Variants in SEZ6 observed in about 807,000 individuals in gnomAD.
The protein encoded by SEZ6 is seizure related 6 homolog.
A neutral mutation model predicts 101.0 loss-of-function variants in SEZ6; 53 were observed. That is an observed-to-expected ratio of 0.52 (90% CI 0.42 to 0.66). SEZ6 has a LOEUF of 0.66. SEZ6 is among the 30% of genes least tolerant of loss of function. SEZ6 has a pLI of 0.00. For synonymous variants in SEZ6, 488 were observed against 512.2 expected (o/e 0.95, Z 0.64); for missense variants, 1,102 against 1,289.4 (o/e 0.85, Z 2.23).
chr17:28,965,720 A>G (rs1259460892), intron 4 of SEZ6, among the ~76,000 whole-genome samples: 2 of 152,218 alleles, frequency 1.3e-5, no homozygotes, highest in Non-Finnish European at 2.9e-5. Flanking sequence ...AGTTGGGGAA[A>G]GAACAAGTTG....
At chr17:28,961,771 T>C (rs1325272979) in intron 5 of SEZ6, among the ~76,000 whole-genome samples, 1 of 152,160 alleles carries the variant, frequency 6.6e-6, no homozygotes, top group Non-Finnish European at 1.5e-5. Flanking sequence ...AAGAGGAGTA[T>C]GGCTGGTTCC....
Position 28,959,369 on chromosome 17 carries a change from C to T in SEZ6, c.1875G>A (p.Val625=). The T allele has an allele frequency of 6.2e-7, 1 of 1,614,006 alleles. No homozygotes were observed. The change falls in exon 9 of 17, where the codon GTG becomes GTA. Residue 625 remains valine, a synonymous_variant. Coordinates refer to ENST00000317338, the MANE Select transcript of SEZ6 (RefSeq NM_178860.5). The surrounding 1 kb of genome is among the most constrained non-coding windows in gnomAD (Gnocchi z 4.4). ...CCAGCATGATGCGCTTGTCCTCTTC[C>T]ACATGCACACCCCAGATACAATCCT... The part of the protein sequence containing the change: ...RGQDCIWGVH[V]EEDKRIMLDI...
chr17:29,004,851 G>A (rs2041664444), intron 1 of SEZ6, among the ~76,000 whole-genome samples: 1 of 152,142 alleles, frequency 6.6e-6, no homozygotes, highest in Non-Finnish European at 1.5e-5. Context: ...CTTCCCCGAG[G>A]CACGGAACCC....
At chr17:28,975,990 A>G (rs2041215641) in intron 3 of SEZ6, among the ~76,000 whole-genome samples, 1 of 152,158 alleles carries the variant, frequency 6.6e-6, no homozygotes, top group African/African-American at 2.4e-5. Context: ...AGGGGCTGGG[A>G]CCCACATGGG....
intron 3 of SEZ6, among the ~76,000 whole-genome samples, chr17:28,978,331 G>T (rs528155414): frequency 3.2e-4 from 48 of 152,318 alleles, no homozygotes; most frequent in African/African-American, 1.1e-3. Flanking sequence ...TTCAGTCAGC[G>T]CATGGAGTAC....
intron 1 of SEZ6, among the ~76,000 whole-genome samples, chr17:28,985,183 C>T (rs114927638): frequency 0.017 from 2,612 of 152,350 alleles, 70 homozygotes; most frequent in African/African-American, 0.059. Context: ...TGGAGCTACA[C>T]AGCAGACAAC....
At chr17:28,992,445 T>C (rs1386705374) in intron 1 of SEZ6, among the ~76,000 whole-genome samples, 2 of 152,036 alleles carry the variant, frequency 1.3e-5, no homozygotes, top group Non-Finnish European at 2.9e-5. Flanking sequence ...CAGGTCCAAA[T>C]ACATGCCTGT....
intron 2 of SEZ6, 147 bp downstream of exon 2, chr17:28,981,224 T>A: frequency 7.3e-7 from 1 of 1,374,588 alleles, no homozygotes; most frequent in East Asian, 2.5e-5. Context: ...CTCAGGTCTA[T>A]CTGGGTCCAA....
intron 1 of SEZ6, among the ~76,000 whole-genome samples, chr17:29,003,502 A>C (rs565869176): frequency 1.1e-3 from 162 of 152,352 alleles, no homozygotes; most frequent in African/African-American, 3.7e-3. Context: ...TGAGGGCCTC[A>C]TCAGAGAGGT....
intron 1 of SEZ6, among the ~76,000 whole-genome samples, chr17:29,000,607 C>T (rs950764289): frequency 7.9e-5 from 12 of 152,172 alleles, no homozygotes; most frequent in African/African-American, 2.9e-4. Flanking sequence ...TAGGCCTCCA[C>T]CTCTCCATTA....
At chr17:28,966,482 C>CA (rs1020928633) in intron 4 of SEZ6, among the ~76,000 whole-genome samples, 20 of 151,710 alleles carry the variant, frequency 1.3e-4, no homozygotes, top group East Asian at 3.9e-4. Context: ...GACTCTTTCT[C>CA]AAAAAAAAGT....
chr17:28,972,762 G>A (rs764382452), intron 3 of SEZ6, among the ~76,000 whole-genome samples: 1 of 152,196 alleles, frequency 6.6e-6, no homozygotes, highest in Non-Finnish European at 1.5e-5. Flanking sequence ...GAGATGCCAG[G>A]CAGCATATAA....
At position 28,960,366 on chromosome 17, in the gene SEZ6, T is replaced by A. The variant is rs539696848; in HGVS notation, c.1576+139A>T. ...AAGAGAGGGGCAGGGAAAGGGGGCC[T>A]AAGTACTGAGTGAGCAGGGGCTGAC... On this transcript the variant is annotated intron_variant, in intron 7 of 16. Transcript: ENST00000317338. 7.8e-6 allele frequency: 9 copies of A among 1,159,376 alleles called. No homozygotes were observed. In the East Asian group the frequency reaches 1.8e-4, roughly 23 times the overall value. The allele number at this position is 1,159,376 out of a possible 1,614,324, so 71.8% of individuals were successfully genotyped here.
intron 4 of SEZ6, among the ~76,000 whole-genome samples, chr17:28,969,032 T>C (rs1192661313): frequency 6.6e-6 from 1 of 152,248 alleles, no homozygotes; most frequent in Non-Finnish European, 1.5e-5. Context: ...TGCTTAATCC[T>C]AACCATGACT....
At chr17:28,967,719 G>A (rs2041091342) in intron 4 of SEZ6, among the ~76,000 whole-genome samples, 1 of 152,132 alleles carries the variant, frequency 6.6e-6, no homozygotes, top group Non-Finnish European at 1.5e-5. Flanking sequence ...AGTAAGGGAG[G>A]GCCCTCGTTT....
Position 28,959,155 on chromosome 17 carries a change from C to A in SEZ6, c.1977G>T (p.Leu659=). 6.2e-7 allele frequency: 1 copy of A among 1,613,794 alleles called. No individual in the cohort carries two copies. Among genetic ancestry groups the A allele is most frequent in the Non-Finnish European group, 8.5e-7 (1 of 1,179,800 alleles). The change falls in exon 10 of 17, where the codon CTG becomes CTT. Residue 659 remains leucine, a synonymous_variant. Coordinates refer to ENST00000317338, the MANE Select transcript of SEZ6 (RefSeq NM_178860.5). The surrounding 1 kb of genome is among the most constrained non-coding windows in gnomAD (Gnocchi z 4.4). ...YDGDDLTARV[L]GQYSGPRSHF... Reference sequence around the variant, plus strand: ...GGCTACGGGGCCCTGAGTACTGGCCCAGAACCCGGGCCGTCAGGTCATCCC... The same window carrying A: ...GGCTACGGGGCCCTGAGTACTGGCCAAGAACCCGGGCCGTCAGGTCATCCC...
intron 12 of SEZ6, 31 bp downstream of exon 12, chr17:28,957,317 A>G: frequency 1.2e-6 from 2 of 1,610,682 alleles, no homozygotes; most frequent in Non-Finnish European, 1.7e-6. Context: ...CTCCAGCTAG[A>G]GGTTTTCCCT....
At chr17:28,996,413 C>T (rs1273219662) in intron 1 of SEZ6, among the ~76,000 whole-genome samples, 1 of 152,154 alleles carries the variant, frequency 6.6e-6, no homozygotes, top group African/African-American at 2.4e-5. Flanking sequence ...AGCACTCCAG[C>T]CCATGAGGCT....
chr17:28,978,330 C>T (rs1051906306), intron 3 of SEZ6, among the ~76,000 whole-genome samples: 6 of 152,228 alleles, frequency 3.9e-5, no homozygotes, highest in South Asian at 2.1e-4. Flanking sequence ...ATTCAGTCAG[C>T]GCATGGAGTA....
Sources: allele counts gnomAD v4.1 joint callset (sites outside exome capture counted in the v4.1 genomes callset), GRCh38; gene constraint gnomAD v4.1.1; non-coding constraint Gnocchi (gnomAD v3.1); transcripts MANE v1.5; gene names NCBI Gene and HGNC (gene_info 2026-07-23, HGNC 2026-07-21).